PECAM1: variants seen among roughly 807,000 people sequenced by gnomAD.
The protein encoded by PECAM1 is platelet and endothelial cell adhesion molecule 1, also known as platelet endothelial cell adhesion molecule.
A neutral mutation model predicts 13.8 loss-of-function variants in PECAM1; 8 were observed. The ratio of observed to expected loss-of-function variants is 0.58; its 90% CI spans 0.34 to 1.05. The LOEUF is 1.05. Ranked by LOEUF, PECAM1 falls within the 50% of genes least tolerant of loss-of-function variation. The pLI is 0.03. For missense variants in PECAM1, 304 were observed against 141.2 expected, an observed-to-expected ratio of 2.15 and a Z score of -5.84; for synonymous variants, 136 against 52.6, an observed-to-expected ratio of 2.58 and a Z score of -6.86.
chr17:64,323,892 T>C (rs782239231), intron 15 of PECAM1, 47 bp from the exon 16 acceptor site: 9 of 790,314 alleles, frequency 1.1e-5, no homozygotes, highest in East Asian at 2.4e-5. Flanking sequence ...CCTCTCAAGA[T>C]TGAAGATTGC....
intron 14 of PECAM1, among the ~76,000 whole-genome samples, chr17:64,332,483 T>G (rs2035152099): frequency 6.6e-6 from 1 of 152,240 alleles, no homozygotes; most frequent in Non-Finnish European, 1.5e-5. Context: ...GTTCTTGTTT[T>G]TTTGGTAACA....
At position 64,321,636 on chromosome 17, in the gene PECAM1, C is replaced by G. The variant is rs2034813158; in HGVS notation, c.*2180G>C. 1.6e-5 allele frequency: 8 copies of G among 509,856 alleles called. No homozygotes were observed. The South Asian group carries it at 2.7e-4, about 17-fold the overall frequency. The allele number at this position is 509,856 out of a possible 1,614,324, so 31.6% of individuals were successfully genotyped here. A position where few individuals can be genotyped will look rare whatever the true frequency, so the allele number is the denominator to read the frequency against. On this transcript the variant is annotated 3_prime_UTR_variant, in exon 16 of 16. Transcript: ENST00000563924. ...ATTAGCCAGCTATGGCGGCTCACGCCTCTGGTCCCAGCTACCCAGGAAGCT... is the reference window on the plus strand; with the variant it reads ...ATTAGCCAGCTATGGCGGCTCACGCGTCTGGTCCCAGCTACCCAGGAAGCT...
chr17:64,354,679 T>A (rs2035809287), intron 9 of PECAM1, among the ~76,000 whole-genome samples: 1 of 152,162 alleles, frequency 6.6e-6, no homozygotes, highest in Non-Finnish European at 1.5e-5. Context: ...TGTTTGTGTG[T>A]CTCCAAGACA....
At chr17:64,327,799 T>G (rs1555645956) in intron 15 of PECAM1, among the ~76,000 whole-genome samples, 1 of 152,210 alleles carries the variant, frequency 6.6e-6, no homozygotes, top group Non-Finnish European at 1.5e-5. Context: ...TGTTAAGATA[T>G]TTCCTCCAAT....
chr17:64,376,305 AAAATAAATAAATAAAT>A (rs386627358), intron 3 of PECAM1, among the ~76,000 whole-genome samples: 5 of 148,410 alleles, frequency 3.4e-5, no homozygotes, highest in South Asian at 4.3e-4. Flanking sequence ...ACTCTGTCTA[AAAATAAATAAATAAAT>A]AAATAAATAA....
rs556616285 is a variant in PECAM1 at position 64,329,828 on chromosome 17, C to G, written c.2165-106G>C. On this transcript the variant is annotated intron_variant, in intron 14 of 15. Coordinates refer to ENST00000563924, the MANE Select transcript of PECAM1 (RefSeq NM_000442.5). ...GCAGGTCGAGAAAAGAGGGAGGAGGCGAGAGCCAGGAGACATCAGCCGGCA... is the reference window on the plus strand; with the variant it reads ...GCAGGTCGAGAAAAGAGGGAGGAGGGGAGAGCCAGGAGACATCAGCCGGCA... 4.0e-5 allele frequency: 29 copies of G among 717,250 alleles called. No individual in the cohort carries two copies. The African/African-American group carries it at 4.4e-4, about 11-fold the overall frequency. The allele number at this position is 717,250 out of a possible 1,614,324, so 44.4% of individuals were successfully genotyped here.
chr17:64,321,588 T>A lies in PECAM1; in HGVS notation c.*2228A>T. The stretch of plus-strand genomic sequence containing the variant: ...GCCTGGGCACCATGGTGAAACCTCA[T>A]CTCTGCAAAAAAAAAATTAAAAATT... On this transcript the variant is annotated 3_prime_UTR_variant, in exon 16 of 16. Transcript: ENST00000563924. The A allele has an allele frequency of 2.0e-6, 1 of 487,924 alleles. No homozygotes were observed. The highest frequency in any genetic ancestry group is 3.6e-5 in the South Asian group (1 of 27,924). The allele number at this position is 487,924 out of a possible 1,614,324, so 30.2% of individuals were successfully genotyped here.
intron 6 of PECAM1, among the ~76,000 whole-genome samples, chr17:64,360,833 TG>T (rs2035957359): frequency 6.6e-6 from 1 of 151,764 alleles, no homozygotes; most frequent in African/African-American, 2.4e-5. Flanking sequence ...TGTGTGTGTG[TG>T]TGTGTGTGTG....
chr17:64,367,317 C>T (rs928387376), intron 5 of PECAM1, among the ~76,000 whole-genome samples: 5 of 151,844 alleles, frequency 3.3e-5, no homozygotes, highest in African/African-American at 4.8e-5. Context: ...TTTGGGAGGC[C>T]GAGGTGGACG....
chr17:64,388,952 G>A (rs1309930670), intron 2 of PECAM1, among the ~76,000 whole-genome samples: 1 of 152,200 alleles, frequency 6.6e-6, no homozygotes, highest in Non-Finnish European at 1.5e-5. Context: ...ACAGGTGTGA[G>A]CCAACGCGGC....
chr17:64,334,121 TA>T (rs1182996970), intron 14 of PECAM1, among the ~76,000 whole-genome samples: 51 of 121,100 alleles, frequency 4.2e-4, no homozygotes, highest in Admixed American at 6.8e-4. Flanking sequence ...ATACAACAAT[TA>T]AAAAAAAAAA....
intron 2 of PECAM1, among the ~76,000 whole-genome samples, chr17:64,387,996 C>T (rs1052598602): frequency 2.6e-5 from 4 of 152,192 alleles, no homozygotes; most frequent in African/African-American, 9.7e-5. Flanking sequence ...AGTGTTGACC[C>T]TGCTTGCTTG....
chr17:64,351,069 G>C (rs1199368095), intron 11 of PECAM1, among the ~76,000 whole-genome samples: 1 of 151,960 alleles, frequency 6.6e-6, no homozygotes, highest in African/African-American at 2.4e-5. Context: ...GTAGAAACAG[G>C]GTTACACCAT....
At chr17:64,369,083 T>A (rs1474124581) in intron 5 of PECAM1, among the ~76,000 whole-genome samples, 1 of 151,514 alleles carries the variant, frequency 6.6e-6, no homozygotes, top group Non-Finnish European at 1.5e-5. Context: ...ATTACAGGCA[T>A]GCTGCCATGC....
chr17:64,329,984 G>A (rs1342573151), intron 14 of PECAM1, among the ~76,000 whole-genome samples: 1 of 151,708 alleles, frequency 6.6e-6, no homozygotes, highest in Non-Finnish European at 1.5e-5. Context: ...TTTTGAGACA[G>A]AGTCTCGCTT....
rs1048293889 is a variant in PECAM1 at position 64,375,052 on chromosome 17, C to T, written c.690G>A (p.Thr230=). 70 of 475,032 alleles carry T rather than the reference C, an allele frequency of 1.5e-4. No individual in the cohort carries two copies. The highest frequency in any genetic ancestry group is 1.2e-3 in the African/African-American group (61 of 50,500). 29.4% of individuals were successfully genotyped at this position (475,032 alleles called of 1,614,324 possible). Reference sequence around the variant, plus strand: ...TGAGGAAGGGAGCAGGATGCTGACCCGTCACGGTGACCAGTTCACTCTTGG... The same window carrying T: ...TGAGGAAGGGAGCAGGATGCTGACCTGTCACGGTGACCAGTTCACTCTTGG... ...ESTKSELVTV[T]ESFSTPKFHI... is the part of the protein sequence containing the mutation. The change falls in exon 4 of 16, where the codon ACG becomes ACA. Residue 230 remains threonine, a splice_region_variant and synonymous_variant. Coordinates refer to ENST00000563924, the MANE Select transcript of PECAM1 (RefSeq NM_000442.5).
At chr17:64,369,589 C>T (rs1010624517) in intron 5 of PECAM1, among the ~76,000 whole-genome samples, 161 bp downstream of exon 5, 1 of 152,164 alleles carries the variant, frequency 6.6e-6, no homozygotes, top group Non-Finnish European at 1.5e-5. Flanking sequence ...ACTCGCTCTG[C>T]AGTGGTTTCT....
At chr17:64,374,404 G>A (rs2036310456) in intron 4 of PECAM1, among the ~76,000 whole-genome samples, 4 of 152,136 alleles carry the variant, frequency 2.6e-5, no homozygotes. Context: ...CAGGAGAATC[G>A]CTTGAACCTG....
chr17:64,352,361 T>C (rs2035745845), intron 11 of PECAM1, 29 bp downstream of exon 11: 4 of 474,354 alleles, frequency 8.4e-6, no homozygotes, highest in Non-Finnish European at 1.5e-5. Context: ...TTGGGGGAAA[T>C]TAGAAATGGC....
Sources: gnomAD v4.1 joint callset for allele counts (sites outside exome capture counted in the v4.1 genomes callset) on GRCh38, gnomAD v4.1.1 for gene constraint, MANE v1.5 for transcripts, NCBI Gene and HGNC (gene_info 2026-07-23, HGNC 2026-07-21) for gene names.